Variants in LOXHD1 observed in about 807,000 individuals in gnomAD.
The protein encoded by LOXHD1 is lipoxygenase homology PLAT domains 1.
LOXHD1 carries 205 observed loss-of-function variants against 248.2 expected under a neutral mutation model. The observed-to-expected ratio is 0.83, with a 90% CI of 0.74 to 0.93. The LOEUF is 0.93. Among genes scored for constraint, LOXHD1 ranks in the 40% least tolerant of loss-of-function variants. The probability of loss-of-function intolerance (pLI) is 0.00; values close to 1 mark genes in which losing one functional copy is unlikely to be tolerated. For synonymous variants in LOXHD1, 1,113 were observed against 1,162.8 expected (o/e 0.96, Z 0.87); for missense variants, 2,930 against 2,971.6 (o/e 0.99, Z 0.33).
chr18:46,583,166 AAAATAG>A (rs1226982366), intron 12 of LOXHD1, among the ~76,000 whole-genome samples: 1 of 152,254 alleles, frequency 6.6e-6, no homozygotes, highest in African/African-American at 2.4e-5. Context: ...GGCTCAAGAA[AAAATAG>A]ACAATCTAAA....
chr18:46,506,639 A>C (rs2034592026), intron 36 of LOXHD1, among the ~76,000 whole-genome samples: 1 of 152,222 alleles, frequency 6.6e-6, no homozygotes, highest in African/African-American at 2.4e-5. Flanking sequence ...AACTTTAAGC[A>C]ATAGGGGTAA....
chr18:46,541,027 C>T (rs2036538825), intron 25 of LOXHD1, among the ~76,000 whole-genome samples: 1 of 152,152 alleles, frequency 6.6e-6, no homozygotes, highest in African/African-American at 2.4e-5. Context: ...AAATTATATG[C>T]TCTGGAATTT....
At chr18:46,508,678 C>T (rs1029117961) in intron 35 of LOXHD1, among the ~76,000 whole-genome samples, 2 of 152,240 alleles carry the variant, frequency 1.3e-5, no homozygotes, top group Admixed American at 6.5e-5. Flanking sequence ...CACACAAGTT[C>T]GCATGCCTAG....
intron 35 of LOXHD1, among the ~76,000 whole-genome samples, chr18:46,508,377 GC>G (rs2034721218): frequency 1.3e-5 from 2 of 152,126 alleles, no homozygotes; most frequent in South Asian, 4.1e-4. Flanking sequence ...ATTAGAGTGG[GC>G]CCTAGTCCAA....
intron 6 of LOXHD1, among the ~76,000 whole-genome samples, chr18:46,607,688 G>T (rs968957009): frequency 2.0e-5 from 3 of 151,846 alleles, no homozygotes; most frequent in African/African-American, 7.3e-5. Context: ...AATATACATT[G>T]ACAGGAGAAA....
chr18:46,514,210 A>T (rs1021521811), intron 34 of LOXHD1, among the ~76,000 whole-genome samples: 1 of 152,224 alleles, frequency 6.6e-6, no homozygotes, highest in Non-Finnish European at 1.5e-5. Context: ...CATATCTGCC[A>T]GTCTCCTCTT....
chr18:46,628,314 T>TGGGCGGGGAGCTGCTGTGAGCTTCAGTG (rs1184049856), intron 4 of LOXHD1, among the ~76,000 whole-genome samples: 1 of 151,834 alleles, frequency 6.6e-6, no homozygotes, highest in African/African-American at 2.4e-5. Context: ...GCAGATGGGG[T>TGGGCGGGGAGCTGCTGTGAGCTTCAGTG]GGGCGGGGAG....
chr18:46,513,141 G>A (rs1403775098), intron 34 of LOXHD1, among the ~76,000 whole-genome samples: 1 of 152,194 alleles, frequency 6.6e-6, no homozygotes, highest in Non-Finnish European at 1.5e-5. Context: ...GCAGCATGGA[G>A]GGTTTACATA....
At chr18:46,486,952 G>A (rs1000418493) in intron 38 of LOXHD1, among the ~76,000 whole-genome samples, 6 of 152,200 alleles carry the variant, frequency 3.9e-5, no homozygotes, top group South Asian at 2.1e-4. Flanking sequence ...TTTCCCACAC[G>A]AAGCGGCTTG....
chr18:46,489,286 T>G, intron 37 of LOXHD1, 144 bp from the exon 38 acceptor site: 1 of 867,412 alleles, frequency 1.2e-6, no homozygotes, highest in Admixed American at 2.1e-5. Context: ...GTTGATAAAG[T>G]GAGGGGTTGG....
At chr18:46,538,603 C>G (rs947623095) in intron 25 of LOXHD1, among the ~76,000 whole-genome samples, 10 of 152,314 alleles carry the variant, frequency 6.6e-5, no homozygotes, top group Admixed American at 6.5e-4. Flanking sequence ...GCACATGTAG[C>G]AGACTGGTTG....
chr18:46,614,151 G>C (rs2144319090), intron 5 of LOXHD1, among the ~76,000 whole-genome samples: 1 of 152,344 alleles, frequency 6.6e-6, no homozygotes, highest in South Asian at 2.1e-4. Flanking sequence ...CATTGTGGAA[G>C]ACAGGGTGGC....
rs886053822 is a variant in LOXHD1, at chr18:46,477,635, C to T, written c.6659G>A (p.Arg2220His). ...TLELGELRKV[R>H]LEHDSSGYCS... ...GTAGCCACTGCTGTCGTGCTCCAGGCGCACCTTGCGCAGCTCACCCAGCTC... is the reference window on the plus strand; with the variant it reads ...GTAGCCACTGCTGTCGTGCTCCAGGTGCACCTTGCGCAGCTCACCCAGCTC... Residue 2220 changes from arginine to histidine, a missense_variant, in exon 41 of 41, where the codon CGC becomes CAC. Physicochemically the swap from Arg to His is conservative, Grantham distance 29. Coordinates refer to ENST00000642948, the MANE Select transcript of LOXHD1 (RefSeq NM_001384474.1). 3.1e-5 allele frequency: 48 copies of T among 1,551,776 alleles called. No individual in the cohort carries two copies. The East Asian group carries it at 7.6e-4, about 24-fold the overall frequency.
At chr18:46,576,717 T>C (rs78609390) in intron 14 of LOXHD1, among the ~76,000 whole-genome samples, 9,921 of 152,284 alleles carry the variant, frequency 0.065, 354 homozygotes, top group Non-Finnish European at 0.087. Flanking sequence ...CAAAATCTGT[T>C]TCACAATCAT....
At chr18:46,483,814 G>T in intron 39 of LOXHD1, 69 bp from the exon 40 acceptor site, 1 of 1,499,778 alleles carries the variant, frequency 6.7e-7, no homozygotes, top group Admixed American at 2.0e-5. Flanking sequence ...TTTGTCGGGG[G>T]CCTGCTGCAT....
At position 46,577,741 on chromosome 18, in the gene LOXHD1, G is replaced by A. The variant is rs2069253921; in HGVS notation, c.1936C>T (p.Pro646Ser). The change falls in exon 14 of 41, where the codon CCT becomes TCT. Residue 646 changes from proline (P) to serine (S), a missense_variant. Transcript: ENST00000642948. ...DRVLVREEGQ[P>S]ESDNVEFPCL... ...GGGAACTCCACGTTGTCGCTCTCAG[G>A]CTGCCCCTCCTCTCTCACCAGCACT... 1.3e-6 allele frequency: 2 copies of A among 1,551,458 alleles called. No homozygotes were observed. The highest frequency in any genetic ancestry group is 1.7e-6 in the Non-Finnish European group (2 of 1,146,946).
In LOXHD1 at chr18:46,597,817, C is replaced by T. The variant is rs768268794; in HGVS notation, c.1135-3351G>A. 6.7e-4 allele frequency among the ~76,000 whole-genome samples: 101 copies of T among 151,028 alleles called. 1 individual carries two copies. The highest frequency in any genetic ancestry group is 2.1e-4 in the South Asian group (1 of 4,798). On this transcript the variant is annotated intron_variant, in intron 8 of 40. Coordinates refer to ENST00000642948, the MANE Select transcript of LOXHD1 (RefSeq NM_001384474.1). ...TGTTGCCCAGGCTGGAGCGCAGTGG[C>T]GCAATCTCAGCGCACTGCAAGCTCC...
intron 28 of LOXHD1, among the ~76,000 whole-genome samples, chr18:46,530,792 C>T (rs2036031178): frequency 1.3e-5 from 2 of 152,128 alleles, no homozygotes; most frequent in Admixed American, 1.3e-4. Flanking sequence ...CTCCTGCTCT[C>T]CTTCTGTGTG....
chr18:46,593,052 G>A (rs2038201176), intron 10 of LOXHD1, among the ~76,000 whole-genome samples: 1 of 152,114 alleles, frequency 6.6e-6, no homozygotes, highest in African/African-American at 2.4e-5. Context: ...TGAACTGAGT[G>A]GTGTAACAGA....
Sources: allele counts gnomAD v4.1 joint callset (sites outside exome capture counted in the v4.1 genomes callset), GRCh38; gene constraint gnomAD v4.1.1; transcripts MANE v1.5; gene names NCBI Gene and HGNC (gene_info 2026-07-23, HGNC 2026-07-21).